The following ACVR1C variants were observed in gnomAD, a reference collection of about 807,000 sequenced individuals.
ACVR1C encodes activin A receptor type 1C.
Under a neutral mutation model 57.9 loss-of-function variants are expected in ACVR1C, and 23 were observed. The observed-to-expected ratio is 0.40, with a 90% CI of 0.29 to 0.56. ACVR1C has a LOEUF of 0.56. ACVR1C is among the 20% of genes least tolerant of loss of function. The pLI is 0.50. For synonymous variants in ACVR1C, 214 were observed against 215.3 expected, an observed-to-expected ratio of 0.99 and a Z score of 0.05; for missense variants, 480 against 607.9, an observed-to-expected ratio of 0.79 and a Z score of 2.21.
chr2:157,543,463 GA>G (rs1436073342), intron 5 of ACVR1C, among the ~76,000 whole-genome samples: 2 of 152,030 alleles, frequency 1.3e-5, no homozygotes, highest in South Asian at 2.1e-4. Context: ...TTTTGTATTA[GA>G]AAAAAAGTTG....
chr2:157,538,733 T>C, intron 7 of ACVR1C, 30 bp from the exon 8 acceptor site: 1 of 1,446,782 alleles, frequency 6.9e-7, no homozygotes, highest in Non-Finnish European at 9.1e-7. Context: ...TAAATTTCCA[T>C]GTGCAAATAA....
chr2:157,613,402 G>GT (rs1682574494), intron 1 of ACVR1C, among the ~76,000 whole-genome samples: 2 of 151,804 alleles, frequency 1.3e-5, no homozygotes. Context: ...TACTGTATTG[G>GT]TTTTTTATTT....
chr2:157,624,487 A>G (rs1682856357), intron 1 of ACVR1C, among the ~76,000 whole-genome samples: 1 of 152,238 alleles, frequency 6.6e-6, no homozygotes, highest in African/African-American at 2.4e-5. Flanking sequence ...GAAAATAACC[A>G]CTTCCAAAAT....
At chr2:157,624,917 C>A (rs1682866277) in intron 1 of ACVR1C, among the ~76,000 whole-genome samples, 1 of 152,166 alleles carries the variant, frequency 6.6e-6, no homozygotes, top group South Asian at 2.1e-4. Flanking sequence ...TGTTCCATGT[C>A]ATACTTGTGA....
intron 7 of ACVR1C, among the ~76,000 whole-genome samples, chr2:157,540,618 TG>T (rs1687603974): frequency 6.6e-6 from 1 of 152,156 alleles, no homozygotes; most frequent in South Asian, 2.1e-4. Context: ...TCTAAACTAC[TG>T]GGAGCAGTAA....
At chr2:157,601,538 G>A (rs1682282067) in intron 1 of ACVR1C, among the ~76,000 whole-genome samples, 2 of 152,130 alleles carry the variant, frequency 1.3e-5, no homozygotes, top group Admixed American at 1.3e-4. Context: ...TAGCCAGAAC[G>A]AAAGGAAAGT....
At position 157,541,280 on chromosome 2, in the gene ACVR1C, ATAAAT is replaced by A. The variant is rs201906258; in HGVS notation, c.1101-71_1101-67del. ...ATAGCAGTCCAGTAAAACAATCTTA[ATAAAT>A]TAAGATAGCTTATGCCATTTTAAAA... On this transcript the variant is annotated intron_variant, in intron 6 of 8. Coordinates refer to ENST00000243349, the MANE Select transcript of ACVR1C (RefSeq NM_145259.3). 1.2e-3 allele frequency: 1,836 copies of A among 1,496,030 alleles called. 19 individuals carry two copies. The African/African-American group carries it at 0.022, about 18-fold the overall frequency. 92.7% of individuals were successfully genotyped at this position (1,496,030 alleles called of 1,614,324 possible).
chr2:157,544,383 T>C, intron 5 of ACVR1C, 62 bp downstream of exon 5: 1 of 1,440,796 alleles, frequency 6.9e-7, no homozygotes, highest in Non-Finnish European at 9.3e-7. Context: ...TAAATTAAAA[T>C]ATAACTAAGT....
intron 1 of ACVR1C, among the ~76,000 whole-genome samples, chr2:157,610,232 G>C (rs1191371902): frequency 6.6e-6 from 1 of 151,974 alleles, no homozygotes; most frequent in Non-Finnish European, 1.5e-5. Flanking sequence ...GCATTTCTTA[G>C]AGTGGTGATA....
rs539758919 is a variant in ACVR1C at position 157,628,707 on chromosome 2, C to G, written c.-63G>C. 7.2e-7 allele frequency: 1 copy of G among 1,392,696 alleles called. No homozygotes were observed. Among genetic ancestry groups the G allele is most frequent in the Non-Finnish European group, 9.4e-7 (1 of 1,060,098 alleles). 86.3% of individuals were successfully genotyped at this position (1,392,696 alleles called of 1,614,324 possible). The stretch of plus-strand genomic sequence containing the variant: ...GAGCAGAGCGAGGCAGCCGGGGCAG[C>G]ACGGCCCGCTTTGAAGTTCCCGGGC... On this transcript the variant is annotated 5_prime_UTR_variant, in exon 1 of 9. Transcript: ENST00000243349.
At position 157,554,279 on chromosome 2, in the gene ACVR1C, G is replaced by A. The variant is rs1313996382; in HGVS notation, c.544+1814C>T. On this transcript the variant is annotated intron_variant, in intron 3 of 8. Coordinates refer to ENST00000243349, the MANE Select transcript of ACVR1C (RefSeq NM_145259.3). ...AGAAAGAAAGAAAGAAAGGAAGGAA[G>A]GAAGAGAGAGAGAGAGAGAAAGAAA... 2.8e-3 allele frequency among the ~76,000 whole-genome samples: 330 copies of A among 117,024 alleles called. 8 individuals are homozygous for A. The highest frequency in any genetic ancestry group is 0.01 in the African/African-American group (251 of 24,912). The allele number at this position is 117,024 out of a possible 152,430, so 76.8% of individuals were successfully genotyped here.
intron 2 of ACVR1C, 149 bp from the exon 3 acceptor site, chr2:157,556,481 T>G: frequency 9.7e-7 from 1 of 1,028,004 alleles, no homozygotes; most frequent in South Asian, 1.7e-5. Context: ...CTCTGTGGTA[T>G]AAGCAAAGAT....
At chr2:157,614,260 C>T (rs1346325078) in intron 1 of ACVR1C, among the ~76,000 whole-genome samples, 1 of 152,136 alleles carries the variant, frequency 6.6e-6, no homozygotes, top group African/African-American at 2.4e-5. Context: ...CTTTGTAAAT[C>T]TAGCTAAGGT....
At chr2:157,554,688 G>T (rs1688049027) in intron 3 of ACVR1C, among the ~76,000 whole-genome samples, 5 of 152,130 alleles carry the variant, frequency 3.3e-5, no homozygotes, top group Admixed American at 3.3e-4. Context: ...GCTAAATATG[G>T]ATGCACATAG....
chr2:157,561,755 G>A (rs1688233673), intron 2 of ACVR1C, among the ~76,000 whole-genome samples: 1 of 152,108 alleles, frequency 6.6e-6, no homozygotes, highest in Non-Finnish European at 1.5e-5. Flanking sequence ...CCTAAAATGT[G>A]GGTACCATTA....
chr2:157,559,990 AG>A (rs1460412385), intron 2 of ACVR1C, among the ~76,000 whole-genome samples: 1 of 151,718 alleles, frequency 6.6e-6, no homozygotes, highest in Non-Finnish European at 1.5e-5. Context: ...GGAGGGAGGG[AG>A]GAAACGAAGG....
chr2:157,566,567 G>T (rs558048820), intron 2 of ACVR1C, among the ~76,000 whole-genome samples: 1 of 152,136 alleles, frequency 6.6e-6, no homozygotes, highest in Admixed American at 6.5e-5. Flanking sequence ...AGGGGTCAGG[G>T]AGTTCCCTTT....
intron 4 of ACVR1C, among the ~76,000 whole-genome samples, chr2:157,546,118 T>G (rs1687749818): frequency 6.6e-6 from 1 of 152,162 alleles, no homozygotes; most frequent in Admixed American, 6.5e-5. Context: ...AACATCATGA[T>G]TAAACTAGCC....
At chr2:157,562,429 T>A (rs1688259741) in intron 2 of ACVR1C, among the ~76,000 whole-genome samples, 1 of 143,396 alleles carries the variant, frequency 7.0e-6, no homozygotes, top group Non-Finnish European at 1.5e-5. Flanking sequence ...GTTGTGAAAT[T>A]GAGGCAGTAA....
Sources: allele counts gnomAD v4.1 joint callset (sites outside exome capture counted in the v4.1 genomes callset), GRCh38; gene constraint gnomAD v4.1.1; transcripts MANE v1.5; gene names NCBI Gene and HGNC (gene_info 2026-07-23, HGNC 2026-07-21).